The following TMOD1 variants were observed in gnomAD, a reference collection of about 807,000 sequenced individuals.
TMOD1 encodes tropomodulin 1, also known as tropomodulin-1.
In TMOD1, 17 loss-of-function variants were observed where a neutral mutation model predicts 40.6. The ratio of observed to expected loss-of-function variants is 0.42; its 90% CI spans 0.29 to 0.63. The LOEUF (loss-of-function observed/expected upper bound fraction) is 0.63. TMOD1 is among the 20% of genes least tolerant of loss of function. The pLI, the probability that TMOD1 is intolerant of heterozygous loss-of-function variation, is 0.22. For synonymous variants in TMOD1, 181 were observed against 175.0 expected, an observed-to-expected ratio of 1.03 and a Z score of -0.27; for missense variants, 391 against 447.6, an observed-to-expected ratio of 0.87 and a Z score of 1.14.
intron 2 of TMOD1, among the ~76,000 whole-genome samples, chr9:97,542,578 C>T (rs1260758925): frequency 6.6e-6 from 1 of 152,098 alleles, no homozygotes; most frequent in Non-Finnish European, 1.5e-5. Flanking sequence ...GGTGGCTGGG[C>T]ATGGAGGCTA....
At chr9:97,531,909 A>G (rs551598537) in intron 2 of TMOD1, among the ~76,000 whole-genome samples, 4 of 152,130 alleles carry the variant, frequency 2.6e-5, no homozygotes, top group Admixed American at 2.6e-4. Flanking sequence ...AGGGGTAAGG[A>G]CTCATTCAAG....
intron 1 of TMOD1, among the ~76,000 whole-genome samples, chr9:97,510,899 A>G (rs533731917): frequency 1.3e-5 from 2 of 152,176 alleles, no homozygotes; most frequent in African/African-American, 4.8e-5. Context: ...GCAGAGACAT[A>G]GGAGGAGTGG....
chr9:97,517,527 G>T (rs1420867296), intron 1 of TMOD1, among the ~76,000 whole-genome samples: 1 of 152,092 alleles, frequency 6.6e-6, no homozygotes, highest in Non-Finnish European at 1.5e-5. Context: ...GCTGGGTTGG[G>T]CATGTGGGGC....
At chr9:97,515,277 A>G (rs543447943) in intron 1 of TMOD1, among the ~76,000 whole-genome samples, 24 of 150,926 alleles carry the variant, frequency 1.6e-4, no homozygotes, top group African/African-American at 5.3e-4. Flanking sequence ...ATATTTTGAT[A>G]CTTTGTTTTG....
rs552925130 is a variant in TMOD1, at chr9:97,564,255, G to T, written c.618+87G>T. On this transcript the variant is annotated intron_variant, in intron 6 of 9. Coordinates refer to ENST00000259365, the MANE Select transcript of TMOD1 (RefSeq NM_003275.4). ...AAATGCAAACGGTCCAGGGTTGGTT[G>T]TGCAGAGTAAACAGGGTCCTGTTTG... The T allele has an allele frequency of 2.9e-5, 43 of 1,495,180 alleles. No individual in the cohort carries two copies. The South Asian group carries it at 5.4e-4, about 19-fold the overall frequency. The allele number at this position is 1,495,180 out of a possible 1,614,324, so 92.6% of individuals were successfully genotyped here.
chr9:97,518,319 A>G (rs1443506035), intron 1 of TMOD1, among the ~76,000 whole-genome samples: 1 of 152,220 alleles, frequency 6.6e-6, no homozygotes, highest in African/African-American at 2.4e-5. Context: ...CGGCCAAGGA[A>G]CACCTGAGGC....
intron 3 of TMOD1, among the ~76,000 whole-genome samples, chr9:97,550,983 C>A: frequency 8.1e-6 from 1 of 123,862 alleles, no homozygotes; most frequent in Non-Finnish European, 1.7e-5. Flanking sequence ...ATGTTTTCTT[C>A]TAAGAATTTT....
rs1327818573 is a variant in TMOD1 at position 97,601,104 on chromosome 9, AAG to A, written c.*1409_*1410del. ...CGGGGCCAGGGCCTCAGCGCTATGGAAGAGTGTCCACTGAGGCTGCACATGGC... is the reference window on the plus strand; with the variant it reads ...CGGGGCCAGGGCCTCAGCGCTATGGAAGTGTCCACTGAGGCTGCACATGGC... On this transcript the variant is annotated 3_prime_UTR_variant, in exon 10 of 10. Transcript: ENST00000259365. 3.1e-6 allele frequency: 4 copies of A among 1,304,178 alleles called. No homozygotes were observed. The highest frequency in any genetic ancestry group is 3.0e-5 in the African/African-American group (2 of 65,874). 80.8% of individuals were successfully genotyped at this position (1,304,178 alleles called of 1,614,324 possible).
intron 8 of TMOD1, among the ~76,000 whole-genome samples, chr9:97,572,175 T>G (rs1309071838): frequency 6.6e-6 from 1 of 151,746 alleles, no homozygotes; most frequent in African/African-American, 2.4e-5. Flanking sequence ...ACCCACAGGG[T>G]GAAAAGTATC....
chr9:97,597,696 CAAAAAA>C (rs56273168), intron 9 of TMOD1, among the ~76,000 whole-genome samples: 1 of 70,018 alleles, frequency 1.4e-5, no homozygotes, highest in African/African-American at 6.7e-5. Context: ...GACTCCGTCT[CAAAAAA>C]AAAAAAAAAA....
At chr9:97,568,807 C>T in intron 7 of TMOD1, 87 bp from the exon 8 acceptor site, 4 of 1,493,308 alleles carry the variant, frequency 2.7e-6, no homozygotes, top group Non-Finnish European at 3.7e-6. Context: ...CTCCTGTTCC[C>T]CTAGGTGTCT....
At chr9:97,586,777 G>C (rs1317404076) in intron 8 of TMOD1, among the ~76,000 whole-genome samples, 1 of 151,518 alleles carries the variant, frequency 6.6e-6, no homozygotes, top group South Asian at 2.1e-4. Context: ...TCCAGGTGCC[G>C]TCCGTCACCC....
chr9:97,582,409 A>G (rs944830120), intron 8 of TMOD1, among the ~76,000 whole-genome samples: 4 of 148,652 alleles, frequency 2.7e-5, no homozygotes, highest in African/African-American at 1.0e-4. Context: ...GTAGCCTTAT[A>G]GTATAGTTTG....
intron 2 of TMOD1, among the ~76,000 whole-genome samples, chr9:97,540,732 A>G (rs1830264597): frequency 6.6e-6 from 1 of 152,112 alleles, no homozygotes; most frequent in Non-Finnish European, 1.5e-5. Context: ...AGCTGATAAT[A>G]TTCAATTGTA....
At chr9:97,527,498 T>C (rs372122967) in intron 2 of TMOD1, among the ~76,000 whole-genome samples, 12 of 152,314 alleles carry the variant, frequency 7.9e-5, no homozygotes, top group South Asian at 4.1e-4. Flanking sequence ...GAGCTCTGGA[T>C]TTTTTTAATT....
chr9:97,579,640 A>G (rs531233599), intron 8 of TMOD1, among the ~76,000 whole-genome samples: 5 of 152,348 alleles, frequency 3.3e-5, no homozygotes, highest in East Asian at 1.9e-4. Context: ...GAAATGAACT[A>G]TACATCGTTT....
chr9:97,560,306 T>G (rs1221250205), intron 4 of TMOD1, among the ~76,000 whole-genome samples: 2 of 151,846 alleles, frequency 1.3e-5, no homozygotes, highest in Non-Finnish European at 2.9e-5. Context: ...CCAGGTGCTG[T>G]GGGAGAATTA....
intron 4 of TMOD1, among the ~76,000 whole-genome samples, chr9:97,559,130 T>C (rs1020763073): frequency 6.6e-6 from 1 of 152,146 alleles, no homozygotes; most frequent in Non-Finnish European, 1.5e-5. Context: ...CCGCAAAACC[T>C]GTACGAAACC....
At chr9:97,573,074 G>A (rs561315510) in intron 8 of TMOD1, among the ~76,000 whole-genome samples, 1 of 152,240 alleles carries the variant, frequency 6.6e-6, no homozygotes, top group Non-Finnish European at 1.5e-5. Context: ...GGCAGAGCTC[G>A]GTTGGAGCTG....
Sources: allele counts gnomAD v4.1 joint callset (sites outside exome capture counted in the v4.1 genomes callset), GRCh38; gene constraint gnomAD v4.1.1; transcripts MANE v1.5; gene names NCBI Gene and HGNC (gene_info 2026-07-23, HGNC 2026-07-21).